CPEB1: variants seen among roughly 807,000 people sequenced by gnomAD.
The protein encoded by CPEB1 is cytoplasmic polyadenylation element-binding protein 1.
In CPEB1, 7 loss-of-function variants were observed where a neutral mutation model predicts 65.8. The observed-to-expected ratio is 0.11, with a 90% CI of 0.06 to 0.20. CPEB1 has a LOEUF of 0.20. CPEB1 is among the 10% of genes least tolerant of loss of function. The probability of loss-of-function intolerance (pLI) is 1.00; values close to 1 mark genes in which losing one functional copy is unlikely to be tolerated. For missense variants in CPEB1, 551 were observed against 712.2 expected, an observed-to-expected ratio of 0.77 and a Z score of 2.58; for synonymous variants, 262 against 260.0, an observed-to-expected ratio of 1.01 and a Z score of -0.08.
At chr15:82,589,376 A>G (rs2042042327) in intron 3 of CPEB1, among the ~76,000 whole-genome samples, 1 of 152,202 alleles carries the variant, frequency 6.6e-6, no homozygotes, top group South Asian at 2.1e-4. Context: ...CGGCAATTTA[A>G]TCACTAACCC....
chr15:82,573,836 C>T (rs754662046), intron 3 of CPEB1, among the ~76,000 whole-genome samples: 25 of 152,122 alleles, frequency 1.6e-4, no homozygotes, highest in Non-Finnish European at 3.1e-4. Flanking sequence ...TTTGAGCAGT[C>T]GGGTGTGGTG....
intron 3 of CPEB1, among the ~76,000 whole-genome samples, chr15:82,618,872 T>A (rs752304044): frequency 1.3e-4 from 20 of 152,226 alleles, no homozygotes; most frequent in Non-Finnish European, 2.4e-4. Context: ...ATATCCATTA[T>A]CCAGAACTTG....
intron 1 of CPEB1, among the ~76,000 whole-genome samples, chr15:82,644,687 G>T (rs2047360212): frequency 6.6e-6 from 1 of 152,138 alleles, no homozygotes; most frequent in Non-Finnish European, 1.5e-5. Context: ...TTTCAAAGAG[G>T]CACATACTCT....
At chr15:82,622,736 C>T (rs1420065764) in intron 3 of CPEB1, among the ~76,000 whole-genome samples, 1 of 152,198 alleles carries the variant, frequency 6.6e-6, no homozygotes, top group African/African-American at 2.4e-5. Flanking sequence ...CAGGGATAGA[C>T]AGCAAGTCAG....
chr15:82,545,255 C>G (rs557944326), intron 12 of CPEB1, among the ~76,000 whole-genome samples: 1 of 152,120 alleles, frequency 6.6e-6, no homozygotes, highest in African/African-American at 2.4e-5. Context: ...ATAAAAGCCT[C>G]GTAGATGAGG....
intron 3 of CPEB1, among the ~76,000 whole-genome samples, chr15:82,574,420 T>G (rs1466009619): frequency 6.6e-6 from 1 of 152,010 alleles, no homozygotes; most frequent in African/African-American, 2.4e-5. Context: ...TTGTGAGGAT[T>G]AAAGAAAATA....
intron 1 of CPEB1, among the ~76,000 whole-genome samples, chr15:82,633,423 A>G (rs1285508799): frequency 6.6e-6 from 1 of 152,224 alleles, no homozygotes; most frequent in Admixed American, 6.5e-5. Flanking sequence ...CCCACGCTGG[A>G]GCGCAATGGC....
intron 3 of CPEB1, among the ~76,000 whole-genome samples, chr15:82,626,772 G>A (rs756371434): frequency 6.6e-6 from 1 of 152,052 alleles, no homozygotes; most frequent in African/African-American, 2.4e-5. Flanking sequence ...TTTTGAAGTC[G>A]TAGTACTAAT....
At chr15:82,558,766 C>T (rs1249055278) in intron 4 of CPEB1, among the ~76,000 whole-genome samples, 1 of 152,136 alleles carries the variant, frequency 6.6e-6, no homozygotes, top group East Asian at 1.9e-4. Flanking sequence ...ATGGAAAGAG[C>T]TCAGCACAGT....
upstream of CPEB1, chr15:82,647,883 G>A: frequency 2.4e-6 from 3 of 1,247,590 alleles, no homozygotes; most frequent in East Asian, 9.6e-5. Context: ...GGCCGGTGTG[G>A]CCCTGCGGGG....
At chr15:82,594,363 A>AG (rs1468580109) in intron 3 of CPEB1, among the ~76,000 whole-genome samples, 1 of 132,366 alleles carries the variant, frequency 7.6e-6, no homozygotes, top group African/African-American at 3.1e-5. Context: ...ATGAACCAAA[A>AG]AAAAAGAAAA....
At chr15:82,616,816 C>T (rs1187360494) in intron 3 of CPEB1, among the ~76,000 whole-genome samples, 1 of 152,120 alleles carries the variant, frequency 6.6e-6, no homozygotes, top group Non-Finnish European at 1.5e-5. Context: ...TTAAATCCTA[C>T]CATTCAGAGA....
chr15:82,564,341 G>A (rs1231319168), intron 4 of CPEB1, among the ~76,000 whole-genome samples: 4 of 151,842 alleles, frequency 2.6e-5, no homozygotes, highest in African/African-American at 7.3e-5. Context: ...GCTGGAGTGC[G>A]GTGGCGTGAT....
chr15:82,603,331 G>GCCATTTC (rs2043281601), intron 3 of CPEB1, among the ~76,000 whole-genome samples: 1 of 151,016 alleles, frequency 6.6e-6, no homozygotes, highest in Admixed American at 6.6e-5. Context: ...AGTACAGCCA[G>GCCATTTC]CCATTTCCCA....
At chr15:82,590,745 C>T (rs1023579741) in intron 3 of CPEB1, among the ~76,000 whole-genome samples, 1 of 152,110 alleles carries the variant, frequency 6.6e-6, no homozygotes, top group Non-Finnish European at 1.5e-5. Context: ...TCATTTAGCT[C>T]CCAGTTGTGA....
At chr15:82,606,828 A>G (rs2043653671) in intron 3 of CPEB1, among the ~76,000 whole-genome samples, 1 of 149,394 alleles carries the variant, frequency 6.7e-6, no homozygotes, top group Admixed American at 6.7e-5. Context: ...AAAAAAAAAA[A>G]AAAAAAAATA....
chr15:82,546,500 C>G lies in CPEB1; in HGVS notation c.1597G>C (p.Glu533Gln). The G allele has an allele frequency of 6.2e-7, 1 of 1,614,008 alleles. No homozygotes were observed. The highest frequency in any genetic ancestry group is 1.3e-5 in the African/African-American group (1 of 75,008). Residue 533 changes from glutamate (E) to glutamine (Q), a missense_variant, in exon 12 of 13, where the codon GAA becomes CAA. Glu to Gln is a conservative substitution (Grantham distance 29, BLOSUM62 2). Around this residue, in one of 6 missense-constraint regions of CPEB1, gnomAD observed 98 missense variants for 157.6 expected, o/e 0.62. Coordinates refer to ENST00000684509, the MANE Select transcript of CPEB1 (RefSeq NM_001365242.1). ...CTGCAGATATGACACAGAGAATCTT[C>G]TAGGTAGGGGTCAATCTGAACCTGC... Reference protein sequence around the residue: ...TKKVQIDPYLEDSLCHICSSQ... With the variant: ...TKKVQIDPYLQDSLCHICSSQ...
At chr15:82,595,939 A>G (rs2042631901) in intron 3 of CPEB1, among the ~76,000 whole-genome samples, 1 of 152,198 alleles carries the variant, frequency 6.6e-6, no homozygotes, top group Non-Finnish European at 1.5e-5. Context: ...GTCTCTAGCT[A>G]TAATCACCAA....
Position 82,616,671 on chromosome 15 carries a change from T to C in CPEB1, c.271+10522A>G, listed in dbSNP as rs558447652. Among the ~76,000 whole-genome samples, 155 of 152,090 alleles carry C rather than the reference T, an allele frequency of 1.0e-3. 1 individual carries two copies. In the South Asian group the frequency reaches 0.029, roughly 29 times the overall value. On this transcript the variant is annotated intron_variant, in intron 3 of 12. Coordinates refer to ENST00000684509, the MANE Select transcript of CPEB1 (RefSeq NM_001365242.1). ...GATTATCCTGCCTCAGCCTCCCAAG[T>C]AGCTGGGATTACAGGTGCATGGCAC...
Sources: gnomAD v4.1 joint callset for allele counts (sites outside exome capture counted in the v4.1 genomes callset) on GRCh38, gnomAD v4.1.1 for gene constraint, gnomAD v4.1.1 regional missense constraint, MANE v1.5 for transcripts, NCBI Gene and HGNC (gene_info 2026-07-23, HGNC 2026-07-21) for gene names.